Variants in ZNF385D observed in about 807,000 individuals in gnomAD.
ZNF385D encodes the protein zinc finger protein 659.
ZNF385D carries 15 observed loss-of-function variants against 35.8 expected under a neutral mutation model. The observed-to-expected ratio is 0.42, with a 90% CI of 0.28 to 0.64. The LOEUF (loss-of-function observed/expected upper bound fraction) is 0.64. Ranked by LOEUF, ZNF385D falls within the 30% of genes least tolerant of loss-of-function variation. The pLI is 0.23. For missense variants in ZNF385D, 474 were observed against 494.6 expected, an observed-to-expected ratio of 0.96 and a Z score of 0.39; for synonymous variants, 212 against 186.8, an observed-to-expected ratio of 1.13 and a Z score of -1.10.
chr3:22,082,687 T>A (rs9848522), intron 3 of ZNF385D, among the ~76,000 whole-genome samples: 73,724 of 152,040 alleles, frequency 0.48, 17,974 homozygotes, highest in Non-Finnish European at 0.5. Context: ...CTGACAGCTC[T>A]GAAGAGAGCA....
At chr3:22,244,971 C>CA (rs1699696799) in intron 2 of ZNF385D, among the ~76,000 whole-genome samples, 1 of 152,044 alleles carries the variant, frequency 6.6e-6, no homozygotes, top group South Asian at 2.1e-4. Context: ...AGCCTGGTTC[C>CA]AAATGGCCTA....
intron 3 of ZNF385D, among the ~76,000 whole-genome samples, chr3:21,888,031 G>A (rs1017641724): frequency 6.6e-6 from 1 of 152,018 alleles, no homozygotes; most frequent in Non-Finnish European, 1.5e-5. Flanking sequence ...AAATGATTAA[G>A]AATCTGTTTA....
At chr3:21,460,318 A>G (rs958999381) in intron 4 of ZNF385D, among the ~76,000 whole-genome samples, 61 of 152,178 alleles carry the variant, frequency 4.0e-4, no homozygotes, top group African/African-American at 1.5e-3. Flanking sequence ...CAGATTCCCT[A>G]ATCTAACTCT....
At position 22,048,236 on chromosome 3, in the gene ZNF385D, T is replaced by C. The variant is rs528954632; in HGVS notation, c.325+120581A>G. 2.0e-5 allele frequency among the ~76,000 whole-genome samples: 3 copies of C among 152,128 alleles called. No homozygotes were observed. The South Asian group carries it at 6.2e-4, about 32-fold the overall frequency. ...GTTTCCTTTCCTATGCAGAATTTTTTTTAGTTTGCTGTAATCCCATTTGCT... is the reference window on the plus strand; with the variant it reads ...GTTTCCTTTCCTATGCAGAATTTTTCTTAGTTTGCTGTAATCCCATTTGCT... On this transcript the variant is annotated intron_variant, in intron 3 of 5. Coordinates refer to the ZNF385D transcript ENST00000494108.
intron 2 of ZNF385D, among the ~76,000 whole-genome samples, chr3:22,203,065 A>G (rs1402627333): frequency 6.6e-6 from 1 of 152,084 alleles, no homozygotes; most frequent in Admixed American, 6.6e-5. Context: ...CTGGGTGTCT[A>G]TGGGAGTGCT....
In ZNF385D at chr3:21,835,188, C is replaced by T. The variant is rs186923111; in HGVS notation, c.326-170160G>A. Reference sequence around the variant, plus strand: ...TCATATGTGAGAATCAATCAAAAACCAAGAGATGCTCAACAGCTAAGAAGG... The same window carrying T: ...TCATATGTGAGAATCAATCAAAAACTAAGAGATGCTCAACAGCTAAGAAGG... On this transcript the variant is annotated intron_variant, in intron 3 of 5. Coordinates refer to the ZNF385D transcript ENST00000494108. Among the ~76,000 whole-genome samples, 210 of 151,174 alleles carry T rather than the reference C, an allele frequency of 1.4e-3. 3 individuals carry two copies. Among genetic ancestry groups the T allele is most frequent in the Middle Eastern group, 0.014 (4 of 290 alleles).
chr3:21,903,108 G>C (rs151077959), intron 3 of ZNF385D, among the ~76,000 whole-genome samples: 2,011 of 152,184 alleles, frequency 0.013, 28 homozygotes, highest in Middle Eastern at 0.031. Context: ...GATTGCACCT[G>C]TTGCACCATG....
chr3:21,768,806 C>G (rs1048790076), intron 3 of ZNF385D, among the ~76,000 whole-genome samples: 3 of 151,850 alleles, frequency 2.0e-5, no homozygotes, highest in African/African-American at 7.3e-5. Flanking sequence ...TGGGGACGAA[C>G]GCCCCATCCC....
chr3:21,496,257 T>C (rs1705833751), intron 4 of ZNF385D, among the ~76,000 whole-genome samples: 1 of 146,980 alleles, frequency 6.8e-6, no homozygotes, highest in Non-Finnish European at 1.5e-5. Flanking sequence ...AATAAATATA[T>C]ATATAATTTA....
At chr3:21,687,712 C>A (rs778356858) in intron 1 of ZNF385D, among the ~76,000 whole-genome samples, 1 of 152,004 alleles carries the variant, frequency 6.6e-6, no homozygotes, top group Non-Finnish European at 1.5e-5. Flanking sequence ...CCTAAAAATT[C>A]TCTTAATATG....
rs115678081 is a variant in ZNF385D, at chr3:21,764,354, C to T, written c.326-99326G>A. Among the ~76,000 whole-genome samples, 430 of 152,214 alleles carry T rather than the reference C, an allele frequency of 2.8e-3. 2 individuals are homozygous for T. Among genetic ancestry groups the T allele is most frequent in the African/African-American group, 9.4e-3 (392 of 41,540 alleles). On this transcript the variant is annotated intron_variant, in intron 3 of 5. Transcript: ENST00000494108. ...TATTTGAAAAACCACAAAGGATTTT[C>T]AGGGAAGTAATGGGCCTCATAGTTA...
At chr3:21,987,845 C>T (rs71312008) in intron 3 of ZNF385D, among the ~76,000 whole-genome samples, 12,224 of 110,940 alleles carry the variant, frequency 0.11, 1,957 homozygotes, top group African/African-American at 0.42. Flanking sequence ...TAGTCCCATA[C>T]TTCTTGGAGG....
intron 3 of ZNF385D, among the ~76,000 whole-genome samples, chr3:22,085,074 C>A (rs1353401040): frequency 6.6e-6 from 1 of 152,328 alleles, no homozygotes; most frequent in South Asian, 2.1e-4. Flanking sequence ...ACATTTAAAG[C>A]AGTGTGTAGA....
chr3:21,942,373 A>G (rs1701564583), intron 3 of ZNF385D, among the ~76,000 whole-genome samples: 1 of 152,222 alleles, frequency 6.6e-6, no homozygotes, highest in African/African-American at 2.4e-5. Flanking sequence ...ATTTCTAGTG[A>G]GTCATCCTTC....
chr3:22,326,344 C>CA (rs917445949), intron 2 of ZNF385D, among the ~76,000 whole-genome samples: 5 of 152,090 alleles, frequency 3.3e-5, no homozygotes, highest in African/African-American at 1.2e-4. Context: ...ACTGGGGGCC[C>CA]AAAATCCCAG....
intron 3 of ZNF385D, among the ~76,000 whole-genome samples, chr3:22,080,716 C>T (rs1228494304): frequency 2.6e-5 from 4 of 152,024 alleles, no homozygotes; most frequent in Non-Finnish European, 5.9e-5. Context: ...AGTTCCTAAT[C>T]CCCAAGATGA....
intron 3 of ZNF385D, among the ~76,000 whole-genome samples, chr3:22,030,299 A>ATCTATC (rs1457368726): frequency 2.6e-5 from 3 of 114,742 alleles, no homozygotes; most frequent in East Asian, 2.3e-4. Context: ...ATATATATAT[A>ATCTATC]TATCCTATTT....
At chr3:21,726,128 C>T (rs190078278) in intron 1 of ZNF385D, among the ~76,000 whole-genome samples, 1 of 151,996 alleles carries the variant, frequency 6.6e-6, no homozygotes, top group African/African-American at 2.4e-5. Flanking sequence ...AATTCAACAC[C>T]CCTTCATGCT....
chr3:21,615,572 G>A (rs2064821833), intron 2 of ZNF385D, among the ~76,000 whole-genome samples: 1 of 151,878 alleles, frequency 6.6e-6, no homozygotes, highest in Admixed American at 6.6e-5. Flanking sequence ...TTTAACTTCT[G>A]TATTTTATTC....
Sources: gnomAD v4.1 joint callset for allele counts (sites outside exome capture counted in the v4.1 genomes callset) on GRCh38, gnomAD v4.1.1 for gene constraint, MANE v1.5 for transcripts, NCBI Gene and HGNC (gene_info 2026-07-23, HGNC 2026-07-21) for gene names.